GNAQ: variants seen among roughly 807,000 people sequenced by gnomAD.
GNAQ encodes guanine nucleotide-binding protein G(q) subunit alpha.
In GNAQ, 8 loss-of-function variants were observed where a neutral mutation model predicts 43.9. That is an observed-to-expected ratio of 0.18 (90% confidence interval 0.11 to 0.33). The LOEUF is 0.33. GNAQ is among the 10% of genes least tolerant of loss of function. The pLI, the probability that GNAQ is intolerant of heterozygous loss-of-function variation, is 1.00. For missense variants in GNAQ, 158 were observed against 450.8 expected (o/e 0.35, Z 5.88); for synonymous variants, 155 against 170.7 (o/e 0.91, Z 0.71).
chr9:77,728,714 ATTAC>A (rs1401289518), intron 5 of GNAQ, 47 bp from the exon 6 acceptor site: 2 of 1,286,192 alleles, frequency 1.6e-6, no homozygotes, highest in South Asian at 1.3e-5. Flanking sequence ...GAATTACATG[ATTAC>A]TTAATTTGTG....
chr9:77,747,571 A>T (rs988551728), intron 5 of GNAQ, among the ~76,000 whole-genome samples: 1 of 152,220 alleles, frequency 6.6e-6, no homozygotes, highest in Non-Finnish European at 1.5e-5. Flanking sequence ...CAAAGCCAGC[A>T]GGAATGGTCC....
chr9:77,767,110 C>G (rs555901987), intron 5 of GNAQ, among the ~76,000 whole-genome samples: 3 of 152,178 alleles, frequency 2.0e-5, no homozygotes, highest in Admixed American at 2.0e-4. Flanking sequence ...AATAAATGAA[C>G]CTCTAACTTC....
intron 5 of GNAQ, among the ~76,000 whole-genome samples, chr9:77,758,051 T>C (rs1387368354): frequency 1.3e-5 from 2 of 152,228 alleles, no homozygotes; most frequent in African/African-American, 2.4e-5. Context: ...AGTCTAAAAA[T>C]ATTATATGAA....
chr9:77,882,299 G>A (rs905349583), intron 2 of GNAQ, among the ~76,000 whole-genome samples: 1 of 152,132 alleles, frequency 6.6e-6, no homozygotes, highest in African/African-American at 2.4e-5. Flanking sequence ...TAAATAAAAT[G>A]GGAGATGAGA....
rs1017253152 is a variant in GNAQ, at chr9:77,740,432, T to C, written c.736-11765A>G. ...AGAAAAATCAGACAGTAGGTAAAAA[T>C]AGAGAAATAACATAGGCAATCAGAG... On this transcript the variant is annotated intron_variant, in intron 5 of 6. Transcript: ENST00000286548. Among the ~76,000 whole-genome samples, 8 of 152,176 alleles carry C rather than the reference T, an allele frequency of 5.3e-5. 1 individual carries two copies. The East Asian group carries it at 7.7e-4, about 15-fold the overall frequency.
intron 1 of GNAQ, among the ~76,000 whole-genome samples, chr9:77,973,471 G>T (rs1431067191): frequency 1.3e-5 from 2 of 152,194 alleles, no homozygotes; most frequent in Non-Finnish European, 2.9e-5. Context: ...TCATTAGGAA[G>T]AGTTCACAAC....
At chr9:77,913,404 TAATAA>T (rs1338382461) in intron 2 of GNAQ, among the ~76,000 whole-genome samples, 1 of 151,992 alleles carries the variant, frequency 6.6e-6, no homozygotes, top group Non-Finnish European at 1.5e-5. Context: ...AAATGTAAAT[TAATAA>T]AATTAAATGA....
intron 1 of GNAQ, among the ~76,000 whole-genome samples, chr9:77,959,308 T>C (rs942299308): frequency 6.6e-6 from 1 of 152,234 alleles, no homozygotes; most frequent in Non-Finnish European, 1.5e-5. Flanking sequence ...TTCTGGTGTA[T>C]TTTAATCCAA....
chr9:77,907,833 G>A (rs1275117078), intron 2 of GNAQ, among the ~76,000 whole-genome samples: 1 of 152,194 alleles, frequency 6.6e-6, no homozygotes, highest in Admixed American at 6.5e-5. Flanking sequence ...AACTTTAGCT[G>A]GCTGAAGTGG....
At chr9:77,907,849 A>G (rs1334738374) in intron 2 of GNAQ, among the ~76,000 whole-genome samples, 1 of 152,220 alleles carries the variant, frequency 6.6e-6, no homozygotes, top group Non-Finnish European at 1.5e-5. Flanking sequence ...AGTGGTGGAA[A>G]GACAGCTGGA....
chr9:77,916,271 A>G (rs1317115815), intron 2 of GNAQ, among the ~76,000 whole-genome samples: 1 of 152,322 alleles, frequency 6.6e-6, no homozygotes, highest in East Asian at 1.9e-4. Context: ...GTAGATAAGA[A>G]TATGTATTTA....
intron 2 of GNAQ, among the ~76,000 whole-genome samples, chr9:77,877,743 A>C (rs1364900285): frequency 6.6e-6 from 1 of 152,184 alleles, no homozygotes; most frequent in Non-Finnish European, 1.5e-5. Context: ...CATTTTTATG[A>C]GACAAGGGCA....
At chr9:77,950,231 C>G (rs1822958646) in intron 1 of GNAQ, among the ~76,000 whole-genome samples, 1 of 152,214 alleles carries the variant, frequency 6.6e-6, no homozygotes, top group South Asian at 2.1e-4. Context: ...ATTCTCAATT[C>G]CTTACAAAGG....
chr9:77,964,310 T>C (rs1271210222), intron 1 of GNAQ, among the ~76,000 whole-genome samples: 1 of 152,016 alleles, frequency 6.6e-6, no homozygotes, highest in African/African-American at 2.4e-5. Context: ...AACGGACAAG[T>C]CTACGATTAT....
chr9:77,927,500 C>T (rs1291585921), intron 1 of GNAQ, among the ~76,000 whole-genome samples: 1 of 151,982 alleles, frequency 6.6e-6, no homozygotes, highest in Non-Finnish European at 1.5e-5. Flanking sequence ...CATTTCCATA[C>T]AAGGGCTCTG....
chr9:77,973,953 T>G (rs1823269809), intron 1 of GNAQ, among the ~76,000 whole-genome samples: 1 of 152,190 alleles, frequency 6.6e-6, no homozygotes, highest in Non-Finnish European at 1.5e-5. Context: ...AATTTTCTCA[T>G]ATGGTGAATA....
intron 6 of GNAQ, 39 bp from the exon 7 acceptor site, chr9:77,721,552 A>T: frequency 8.3e-7 from 1 of 1,202,380 alleles, no homozygotes; most frequent in South Asian, 1.3e-5. Context: ...TTGTTACCTA[A>T]TCTGCTAATG....
intron 2 of GNAQ, among the ~76,000 whole-genome samples, chr9:77,856,803 T>A (rs1205366744): frequency 6.6e-6 from 1 of 152,250 alleles, no homozygotes; most frequent in African/African-American, 2.4e-5. Context: ...ATTAAGCCGT[T>A]ATTACTTTTC....
At chr9:77,933,213 C>T (rs548800715) in intron 1 of GNAQ, among the ~76,000 whole-genome samples, 4 of 152,136 alleles carry the variant, frequency 2.6e-5, no homozygotes, top group African/African-American at 4.8e-5. Flanking sequence ...CATGACTGAC[C>T]GTCTTCTGCT....
Sources: allele counts gnomAD v4.1 joint callset (sites outside exome capture counted in the v4.1 genomes callset), GRCh38; gene constraint gnomAD v4.1.1; transcripts MANE v1.5; gene names NCBI Gene and HGNC (gene_info 2026-07-23, HGNC 2026-07-21).